Variants in SLC24A2 observed in about 807,000 individuals in gnomAD.
SLC24A2 encodes sodium/potassium/calcium exchanger 2.
SLC24A2 carries 36 observed loss-of-function variants against 62.0 expected under a neutral mutation model. The ratio of observed to expected loss-of-function variants is 0.58; its 90% CI spans 0.44 to 0.77. The LOEUF is 0.77. Ranked by LOEUF, SLC24A2 falls within the 30% of genes least tolerant of loss-of-function variation. The pLI, the probability that SLC24A2 is intolerant of heterozygous loss-of-function variation, is 0.00. For missense variants in SLC24A2, 846 were observed against 817.9 expected, an observed-to-expected ratio of 1.03 and a Z score of -0.42; for synonymous variants, 358 against 294.0, an observed-to-expected ratio of 1.22 and a Z score of -2.23.
chr9:20,294,858 AG>A, the SLC24A2 span, among the ~76,000 whole-genome samples: 1 of 152,134 alleles, frequency 6.6e-6, no homozygotes, highest in Non-Finnish European at 1.5e-5. Flanking sequence ...TGTTCCTACA[AG>A]CCTGAGCTCT....
At chr9:19,620,703 A>T (rs1817888315) in intron 3 of SLC24A2, among the ~76,000 whole-genome samples, 1 of 152,210 alleles carries the variant, frequency 6.6e-6, no homozygotes, top group South Asian at 2.1e-4. Flanking sequence ...TGATCATCAC[A>T]AGAGAAGACT....
At chr9:20,268,285 G>C in the SLC24A2 span, among the ~76,000 whole-genome samples, 7 of 152,110 alleles carry the variant, frequency 4.6e-5, no homozygotes, top group Admixed American at 3.9e-4. Flanking sequence ...CTCTACATCA[G>C]GCCTTATGCC....
At chr9:19,621,382 A>G (rs552747764) in intron 3 of SLC24A2, among the ~76,000 whole-genome samples, 92 of 152,176 alleles carry the variant, frequency 6.0e-4, no homozygotes, top group Non-Finnish European at 1.1e-3. Context: ...GCTCTCAATG[A>G]ATGTTATGTC....
At chr9:20,180,261 G>C in the SLC24A2 span, among the ~76,000 whole-genome samples, 3 of 152,124 alleles carry the variant, frequency 2.0e-5, no homozygotes, top group Non-Finnish European at 4.4e-5. Flanking sequence ...CCTGATTCAA[G>C]ACTTGCTATT....
chr9:19,534,606 G>C (rs1035595807), intron 8 of SLC24A2, among the ~76,000 whole-genome samples: 1 of 151,990 alleles, frequency 6.6e-6, no homozygotes, highest in African/African-American at 2.4e-5. Context: ...AAAAAATGCG[G>C]TGTTTAGTTT....
chr9:20,033,014 A>G, the SLC24A2 span, among the ~76,000 whole-genome samples: 3 of 152,206 alleles, frequency 2.0e-5, no homozygotes, highest in African/African-American at 7.2e-5. Flanking sequence ...TCAACACTGC[A>G]CAAAAGGTTG....
chr9:20,019,235 GA>G, the SLC24A2 span, among the ~76,000 whole-genome samples: 1 of 115,940 alleles, frequency 8.6e-6, no homozygotes, highest in African/African-American at 3.0e-5. Flanking sequence ...AAGAAAGAAA[GA>G]AAAAGAAAGA....
intron 2 of SLC24A2, among the ~76,000 whole-genome samples, chr9:19,698,322 T>C (rs1213337124): frequency 6.6e-6 from 1 of 152,162 alleles, no homozygotes; most frequent in Non-Finnish European, 1.5e-5. Context: ...TATGTGTATA[T>C]GAAACATAAA....
chr9:19,896,685 A>T, the SLC24A2 span, among the ~76,000 whole-genome samples: 1 of 151,978 alleles, frequency 6.6e-6, no homozygotes, highest in Non-Finnish European at 1.5e-5. Flanking sequence ...GGTCAGTCTG[A>T]CTCTCAGAGC....
the SLC24A2 span, among the ~76,000 whole-genome samples, chr9:20,137,176 A>G: frequency 6.6e-6 from 1 of 152,190 alleles, no homozygotes; most frequent in Non-Finnish European, 1.5e-5. Context: ...ATGTGTGTGT[A>G]AATGAATAAT....
chr9:19,556,049 C>T (rs1835073497), intron 7 of SLC24A2, among the ~76,000 whole-genome samples: 1 of 152,176 alleles, frequency 6.6e-6, no homozygotes, highest in Admixed American at 6.5e-5. Context: ...ACATTGAAAT[C>T]TGGAGGCTCG....
chr9:19,786,176 A>G lies in SLC24A2; in HGVS notation c.691T>C (p.Leu231=). ...AAGAGCGGCCACCATGTCAGGTTTA[A>G]GATTTCTCTAGAAAACAGAGCACAC... ...GMCALFSREI[L]NLTWWPLFRD... The change falls in exon 2 of 11, where the codon TTA becomes CTA. Residue 231 remains leucine (L), a synonymous_variant. Transcript: ENST00000341998. The surrounding 1 kb of genome is among the most constrained non-coding windows in gnomAD (Gnocchi z 5.0). The G allele has an allele frequency of 6.2e-7, 1 of 1,614,188 alleles. No individual in the cohort carries two copies. The highest frequency in any genetic ancestry group is 8.5e-7 in the Non-Finnish European group (1 of 1,180,042).
chr9:19,979,573 C>T, the SLC24A2 span, among the ~76,000 whole-genome samples: 456 of 152,244 alleles, frequency 3.0e-3, 2 homozygotes, highest in Admixed American at 6.5e-3. Flanking sequence ...AAAGCACAAA[C>T]GATTTCTTTG....
At chr9:19,589,551 C>A (rs773018129) in intron 5 of SLC24A2, among the ~76,000 whole-genome samples, 5 of 152,034 alleles carry the variant, frequency 3.3e-5, no homozygotes, top group African/African-American at 1.2e-4. Context: ...CTGTGGTAAA[C>A]GTTTGGATTT....
At chr9:19,996,080 G>T in the SLC24A2 span, among the ~76,000 whole-genome samples, 80 of 152,348 alleles carry the variant, frequency 5.3e-4, no homozygotes, top group Non-Finnish European at 7.8e-4. Flanking sequence ...TAGCAAAGAT[G>T]CTTGTAACTG....
chr9:20,271,890 T>G, the SLC24A2 span, among the ~76,000 whole-genome samples: 5 of 152,200 alleles, frequency 3.3e-5, no homozygotes, highest in Admixed American at 3.3e-4. Context: ...AATTTGTACT[T>G]AATCAGATTT....
the SLC24A2 span, among the ~76,000 whole-genome samples, chr9:20,193,248 T>C: frequency 6.6e-6 from 1 of 152,142 alleles, no homozygotes; most frequent in East Asian, 1.9e-4. Flanking sequence ...ACAAACTGGA[T>C]TTGTAACCCT....
At chr9:19,577,340 T>A (rs527612109) in intron 5 of SLC24A2, among the ~76,000 whole-genome samples, 2 of 152,294 alleles carry the variant, frequency 1.3e-5, no homozygotes, top group Admixed American at 1.3e-4. Flanking sequence ...TCTGGAGGCA[T>A]GGCCATTTCT....
the SLC24A2 span, among the ~76,000 whole-genome samples, chr9:19,912,232 G>A: frequency 2.6e-5 from 4 of 152,096 alleles, no homozygotes; most frequent in East Asian, 7.7e-4. Context: ...GAGACCTTAG[G>A]GATCATCCTG....
Sources: gnomAD v4.1 joint callset for allele counts (sites outside exome capture counted in the v4.1 genomes callset) on GRCh38, gnomAD v4.1.1 for gene constraint, Gnocchi (gnomAD v3.1) non-coding constraint, MANE v1.5 for transcripts, NCBI Gene and HGNC (gene_info 2026-07-23, HGNC 2026-07-21) for gene names.